The following CSF1R variants were observed in gnomAD, a reference collection of about 807,000 sequenced individuals.
CSF1R encodes macrophage colony-stimulating factor 1 receptor.
A neutral mutation model predicts 110.0 loss-of-function variants in CSF1R; 40 were observed. That is an observed-to-expected ratio of 0.36 (90% CI 0.28 to 0.47). The LOEUF (loss-of-function observed/expected upper bound fraction) is 0.47. Ranked by LOEUF, CSF1R falls within the 20% of genes least tolerant of loss-of-function variation. The pLI, the probability that CSF1R is intolerant of heterozygous loss-of-function variation, is 0.99. For missense variants in CSF1R, 1,052 were observed against 1,253.0 expected, an observed-to-expected ratio of 0.84 and a Z score of 2.42; for synonymous variants, 523 against 503.4, an observed-to-expected ratio of 1.04 and a Z score of -0.52.
chr5:150,074,418 C>T (rs540330584), intron 5 of CSF1R, among the ~76,000 whole-genome samples: 21 of 151,122 alleles, frequency 1.4e-4, no homozygotes, highest in East Asian at 8.0e-4. Context: ...AGCGATTCTC[C>T]GGCCTCAGCC....
chr5:150,054,678 A>G, intron 19 of CSF1R: 2 of 473,270 alleles, frequency 4.2e-6, no homozygotes, highest in Non-Finnish European at 7.4e-6. Flanking sequence ...GGTAACTGTA[A>G]TAACGATCTC....
chr5:150,079,621 A>G (rs145363145), intron 3 of CSF1R, among the ~76,000 whole-genome samples: 1 of 152,190 alleles, frequency 6.6e-6, no homozygotes, highest in Non-Finnish European at 1.5e-5. Flanking sequence ...TACCTAGAAC[A>G]TTCAGAGCCT....
At chr5:150,109,062 C>CCCCA (rs1759637811) in intron 1 of CSF1R, among the ~76,000 whole-genome samples, 1 of 121,206 alleles carries the variant, frequency 8.3e-6, no homozygotes, top group African/African-American at 2.9e-5. Context: ...AAGCCCGCCC[C>CCCCA]CCCCCCACCA....
chr5:150,111,133 GC>G (rs1433044029), intron 1 of CSF1R, among the ~76,000 whole-genome samples: 1 of 152,154 alleles, frequency 6.6e-6, no homozygotes, highest in Non-Finnish European at 1.5e-5. Context: ...AATAAAAGGG[GC>G]CTGTTAGAGA....
chr5:150,109,811 A>C (rs1490956356), intron 1 of CSF1R, among the ~76,000 whole-genome samples: 3 of 152,250 alleles, frequency 2.0e-5, no homozygotes, highest in African/African-American at 7.2e-5. Flanking sequence ...ATATGCAAAA[A>C]CAAACATATT....
In CSF1R at chr5:150,072,341, A is replaced by G. The variant is rs527562169; in HGVS notation, c.1082+960T>C. Among the ~76,000 whole-genome samples the G allele has an allele frequency of 1.2e-3, 181 of 152,194 alleles. 1 individual carries two copies. The highest frequency in any genetic ancestry group is 4.2e-3 in the African/African-American group (174 of 41,534). On this transcript the variant is annotated intron_variant, in intron 6 of 20. Transcript: ENST00000675795. The stretch of plus-strand genomic sequence containing the variant: ...AAACTCTGTCTCTACTAAAAATACA[A>G]AAATTAGCTGGGTGTGGTGGTGGGC...
intron 3 of CSF1R, among the ~76,000 whole-genome samples, chr5:150,078,616 A>G (rs968988613): frequency 5.3e-5 from 8 of 152,170 alleles, no homozygotes; most frequent in Non-Finnish European, 1.2e-4. Flanking sequence ...TCCTCTGTAA[A>G]CATTTGGGGC....
intron 1 of CSF1R, among the ~76,000 whole-genome samples, chr5:150,101,600 C>T (rs1759405827): frequency 6.6e-6 from 1 of 151,898 alleles, no homozygotes; most frequent in South Asian, 2.1e-4. Context: ...TCACGGGACC[C>T]AGGCAGAGAG....
chr5:150,082,006 G>A (rs566811633), intron 1 of CSF1R, among the ~76,000 whole-genome samples: 49 of 152,340 alleles, frequency 3.2e-4, no homozygotes, highest in African/African-American at 6.7e-4. Flanking sequence ...CATTGTTGGC[G>A]TCAGGCTCAG....
At chr5:150,095,753 C>A (rs1759203034) in intron 1 of CSF1R, among the ~76,000 whole-genome samples, 3 of 113,390 alleles carry the variant, frequency 2.6e-5, no homozygotes, top group African/African-American at 3.6e-5. Context: ...AAAGTAATAA[C>A]ATTTACCGAG....
intron 10 of CSF1R, among the ~76,000 whole-genome samples, chr5:150,064,921 G>T (rs956141036): frequency 6.6e-6 from 1 of 152,208 alleles, no homozygotes; most frequent in African/African-American, 2.4e-5. Flanking sequence ...GCTCATGGGC[G>T]TCTACCCAGA....
In CSF1R at chr5:150,084,604, C is replaced by T. The variant is rs185607607; in HGVS notation, c.49+1775G>A. Among the ~76,000 whole-genome samples the T allele has an allele frequency of 5.6e-3, 850 of 151,604 alleles. 9 individuals carry two copies. Among genetic ancestry groups the T allele is most frequent in the African/African-American group, 0.02 (810 of 41,390 alleles). On this transcript the variant is annotated intron_variant, in intron 1 of 20. Coordinates refer to ENST00000675795, the MANE Select transcript of CSF1R (RefSeq NM_001288705.3). ...AGTAGCTGGAACTACAGGAACCCAC[C>T]ACCACACCCGGCTAATTTTTGTATT...
At chr5:150,099,223 T>C (rs1353933740) in intron 1 of CSF1R, among the ~76,000 whole-genome samples, 1 of 152,000 alleles carries the variant, frequency 6.6e-6, no homozygotes, top group Non-Finnish European at 1.5e-5. Flanking sequence ...CAACTATTAA[T>C]AGAACTCTCA....
At position 150,067,166 on chromosome 5, in the gene CSF1R, G is replaced by T. The variant is rs551678178; in HGVS notation, c.1626+1049C>A. ...GGCTCTAGGGACAGAAGCCCCTGGG[G>T]CCCAGTGCCAACCCTATCCCTCAGC... On this transcript the variant is annotated intron_variant, in intron 10 of 20. Coordinates refer to ENST00000675795, the MANE Select transcript of CSF1R (RefSeq NM_001288705.3). 3.3e-5 allele frequency: 5 copies of T among 150,970 alleles called. No individual in the cohort carries two copies. The East Asian group carries it at 9.8e-4, about 29-fold the overall frequency. 9.4% of individuals were successfully genotyped at this position (150,970 alleles called of 1,614,324 possible). A position where few individuals can be genotyped will look rare whatever the true frequency, so the allele number is the denominator to read the frequency against.
intron 16 of CSF1R, 49 bp downstream of exon 16, chr5:150,057,238 C>G (rs373100109): frequency 5.2e-6 from 8 of 1,542,632 alleles, no homozygotes; most frequent in African/African-American, 4.1e-5. Context: ...CCAGCCTCCC[C>G]GGAGCACAGA....
In CSF1R at chr5:150,053,467, T is replaced by C. The variant is rs1459031005; in HGVS notation, c.*602A>G. On this transcript the variant is annotated 3_prime_UTR_variant, in exon 21 of 21. Transcript: ENST00000675795. ...GGACTGGGCAGAACACCCCCAACTTTTAGCTGCCACTTGGCTCATTACAGC... is the reference window on the plus strand; with the variant it reads ...GGACTGGGCAGAACACCCCCAACTTCTAGCTGCCACTTGGCTCATTACAGC... 4.2e-6 allele frequency: 1 copy of C among 235,432 alleles called. No individual in the cohort carries two copies. Among genetic ancestry groups the C allele is most frequent in the African/African-American group, 2.2e-5 (1 of 45,340 alleles). The allele number at this position is 235,432 out of a possible 1,614,324, so 14.6% of individuals were successfully genotyped here.
chr5:150,057,417 C>T (rs532265671), intron 15 of CSF1R, 33 bp from the exon 16 acceptor site: 1 of 1,611,082 alleles, frequency 6.2e-7, no homozygotes, highest in South Asian at 1.1e-5. Context: ...GGCAGCCCTG[C>T]CACACTCCCC....
chr5:150,111,930 T>G (rs1054072848), intron 1 of CSF1R, among the ~76,000 whole-genome samples: 1 of 152,210 alleles, frequency 6.6e-6, no homozygotes, highest in African/African-American at 2.4e-5. Context: ...ATGTTATACT[T>G]TAACCGGGCT....
intron 19 of CSF1R, chr5:150,054,911 G>T (rs1757130027): frequency 7.0e-6 from 2 of 286,602 alleles, no homozygotes; most frequent in Admixed American, 9.8e-5. Flanking sequence ...GATTGCTTGA[G>T]CCCTGAAGAT....
Sources: allele counts gnomAD v4.1 joint callset (sites outside exome capture counted in the v4.1 genomes callset), GRCh38; gene constraint gnomAD v4.1.1; transcripts MANE v1.5; gene names NCBI Gene and HGNC (gene_info 2026-07-23, HGNC 2026-07-21).